PPP3CC: variants seen among roughly 807,000 people sequenced by gnomAD.
The protein encoded by PPP3CC is serine/threonine-protein phosphatase 2B catalytic subunit gamma isoform.
A neutral mutation model predicts 60.3 loss-of-function variants in PPP3CC; 35 were observed. The observed-to-expected ratio is 0.58, with a 90% CI of 0.44 to 0.77. The LOEUF is 0.77. Ranked by LOEUF, PPP3CC falls within the 30% of genes least tolerant of loss-of-function variation. PPP3CC has a pLI of 0.00. For synonymous variants in PPP3CC, 206 were observed against 224.3 expected, an observed-to-expected ratio of 0.92 and a Z score of 0.73; for missense variants, 570 against 628.9, an observed-to-expected ratio of 0.91 and a Z score of 1.00.
At chr8:22,522,447 A>T (rs1839432216) in intron 6 of PPP3CC, 44 bp from the exon 7 acceptor site, 1 of 1,485,100 alleles carries the variant, frequency 6.7e-7, no homozygotes, top group South Asian at 1.2e-5. Context: ...ATTAAAAAAA[A>T]TTGTTTTAAT....
chr8:22,443,288 C>G (rs748480189), intron 1 of PPP3CC, among the ~76,000 whole-genome samples: 5 of 151,944 alleles, frequency 3.3e-5, no homozygotes, highest in Non-Finnish European at 5.9e-5. Context: ...TTTGGAAGGC[C>G]CATATAGGCA....
At chr8:22,454,189 T>C (rs934386155) in intron 1 of PPP3CC, among the ~76,000 whole-genome samples, 15 of 152,234 alleles carry the variant, frequency 9.9e-5, no homozygotes, top group Admixed American at 9.2e-4. Flanking sequence ...CTTATTCTTA[T>C]AAGCTTTTAC....
intron 1 of PPP3CC, among the ~76,000 whole-genome samples, chr8:22,468,997 G>A (rs763500162): frequency 2.6e-5 from 4 of 152,082 alleles, no homozygotes; most frequent in African/African-American, 4.8e-5. Flanking sequence ...TCCAGCAATC[G>A]CACTACTGAG....
intron 1 of PPP3CC, among the ~76,000 whole-genome samples, chr8:22,471,149 T>G (rs192423765): frequency 1.8e-3 from 277 of 152,352 alleles, no homozygotes; most frequent in Non-Finnish European, 2.2e-3. Context: ...AAAACCTTTC[T>G]CTTTACATCA....
chr8:22,448,943 C>T (rs1836920891), intron 1 of PPP3CC, among the ~76,000 whole-genome samples: 2 of 152,020 alleles, frequency 1.3e-5, no homozygotes, highest in South Asian at 4.1e-4. Flanking sequence ...TTCAGTTTTT[C>T]AAAATGTAAA....
intron 3 of PPP3CC, among the ~76,000 whole-genome samples, chr8:22,481,516 A>G (rs2132479028): frequency 6.6e-6 from 1 of 151,232 alleles, no homozygotes; most frequent in South Asian, 2.1e-4. Context: ...CACAGAAATT[A>G]TCTTGATGAA....
At chr8:22,457,749 C>T (rs1410117687) in intron 1 of PPP3CC, among the ~76,000 whole-genome samples, 1 of 152,238 alleles carries the variant, frequency 6.6e-6, no homozygotes, top group Non-Finnish European at 1.5e-5. Flanking sequence ...TATGCGAATT[C>T]TACTCAACTA....
intron 3 of PPP3CC, among the ~76,000 whole-genome samples, chr8:22,483,234 G>C (rs1284623979): frequency 6.6e-6 from 1 of 152,088 alleles, no homozygotes; most frequent in Non-Finnish European, 1.5e-5. Flanking sequence ...TACTATCAAA[G>C]CTCAATCTTT....
chr8:22,490,919 T>G (rs993435628), intron 3 of PPP3CC, among the ~76,000 whole-genome samples: 1 of 152,176 alleles, frequency 6.6e-6, no homozygotes, highest in Admixed American at 6.5e-5. Flanking sequence ...AACATATGTG[T>G]GCATGTGTCT....
intron 6 of PPP3CC, among the ~76,000 whole-genome samples, chr8:22,520,189 A>G (rs1322901256): frequency 6.6e-6 from 1 of 152,080 alleles, no homozygotes; most frequent in African/African-American, 2.4e-5. Context: ...TGAGAAATTC[A>G]CTGATAGTCT....
At chr8:22,508,096 A>G (rs1262732588) in intron 4 of PPP3CC, among the ~76,000 whole-genome samples, 2 of 152,062 alleles carry the variant, frequency 1.3e-5, no homozygotes, top group Non-Finnish European at 2.9e-5. Flanking sequence ...TCTACAAGTA[A>G]TTTTTAAAAA....
intron 13 of PPP3CC, among the ~76,000 whole-genome samples, chr8:22,540,024 A>G (rs972560683): frequency 6.6e-6 from 1 of 152,262 alleles, no homozygotes; most frequent in Admixed American, 6.5e-5. Flanking sequence ...ATTAGGTAAG[A>G]TGGTTCAAAA....
rs559395251 is a variant in PPP3CC at position 22,472,137 on chromosome 8, A to AT, written c.50-2809dup. On this transcript the variant is annotated intron_variant, in intron 1 of 13. Coordinates refer to ENST00000240139, the MANE Select transcript of PPP3CC (RefSeq NM_005605.5). ...AAGCGAGATCCTATCTCAAAAACAA[A>AT]TTTTTTTTCTTTAATAATATATTAA... is the stretch of plus-strand genomic sequence containing the variant. 3.1e-3 allele frequency among the ~76,000 whole-genome samples: 468 copies of AT among 151,686 alleles called. 3 individuals are homozygous for AT. Among genetic ancestry groups the AT allele is most frequent in the African/African-American group, 0.011 (443 of 41,282 alleles).
intron 1 of PPP3CC, among the ~76,000 whole-genome samples, chr8:22,443,357 A>C (rs1229825007): frequency 1.3e-5 from 2 of 152,042 alleles, no homozygotes; most frequent in East Asian, 3.9e-4. Context: ...CTCCATCTCT[A>C]CTAAACATAC....
Position 22,538,357 on chromosome 8 carries a change from T to C in PPP3CC, c.1322-1112T>C, listed in dbSNP as rs192813737. Among the ~76,000 whole-genome samples the C allele has an allele frequency of 2.3e-3, 352 of 152,360 alleles. 2 individuals carry two copies. Among genetic ancestry groups the C allele is most frequent in the Middle Eastern group, 6.8e-3 (2 of 294 alleles). ...GCTTTCTTGTCAAGGGTATTTGTTC[T>C]ACTTAAGGAGATTAGAGAGGGTGTG... On this transcript the variant is annotated intron_variant, in intron 12 of 13. Coordinates refer to ENST00000240139, the MANE Select transcript of PPP3CC (RefSeq NM_005605.5).
chr8:22,490,448 T>A (rs1006575419), intron 3 of PPP3CC, among the ~76,000 whole-genome samples: 4 of 152,094 alleles, frequency 2.6e-5, no homozygotes, highest in Admixed American at 6.5e-5. Context: ...CCACTTTTTT[T>A]ATATTTATAT....
intron 9 of PPP3CC, 61 bp downstream of exon 9, chr8:22,527,578 G>T: frequency 1.3e-6 from 2 of 1,538,662 alleles, no homozygotes; most frequent in South Asian, 1.2e-5. Flanking sequence ...CCTTATATTT[G>T]CATGAGCCCC....
At chr8:22,522,411 T>C (rs1839431306) in intron 6 of PPP3CC, 80 bp from the exon 7 acceptor site, 8 of 1,116,494 alleles carry the variant, frequency 7.2e-6, no homozygotes, top group Non-Finnish European at 1.0e-5. Context: ...TCAGCTAATA[T>C]CACCTTGACT....
At chr8:22,505,583 AT>A (rs1160607757) in intron 4 of PPP3CC, among the ~76,000 whole-genome samples, 1 of 152,162 alleles carries the variant, frequency 6.6e-6, no homozygotes, top group African/African-American at 2.4e-5. Context: ...GGGAGGCAAA[AT>A]TTTACCTTTA....
Sources: allele counts gnomAD v4.1 joint callset (sites outside exome capture counted in the v4.1 genomes callset), GRCh38; gene constraint gnomAD v4.1.1; transcripts MANE v1.5; gene names NCBI Gene and HGNC (gene_info 2026-07-23, HGNC 2026-07-21).